ACP3: variants seen among roughly 807,000 people sequenced by gnomAD.
ACP3 encodes prostatic acid phosphatase.
ACP3 carries 38 observed loss-of-function variants against 45.6 expected under a neutral mutation model. The ratio of observed to expected loss-of-function variants is 0.83; its 90% CI spans 0.64 to 1.09. ACP3 has a LOEUF of 1.09. Among genes scored for constraint, ACP3 ranks in the 50% least tolerant of loss-of-function variants. ACP3 has a pLI of 0.00. For missense variants in ACP3, 466 were observed against 463.2 expected (o/e 1.01, Z -0.05); for synonymous variants, 162 against 164.7 (o/e 0.98, Z 0.13).
chr3:132,347,555 CT>C (rs1254673611), intron 7 of ACP3, among the ~76,000 whole-genome samples: 2 of 152,138 alleles, frequency 1.3e-5, no homozygotes, highest in Admixed American at 1.3e-4. Context: ...TCACGGCTCA[CT>C]GTAGCCTTGA....
rs181237735 is a variant in ACP3, at chr3:132,328,417, G to A, written c.216+55G>A. The A allele has an allele frequency of 1.9e-4, 287 of 1,477,772 alleles. 1 individual carries two copies. The highest frequency in any genetic ancestry group is 2.5e-4 in the Non-Finnish European group (265 of 1,061,614). 91.5% of individuals were successfully genotyped at this position (1,477,772 alleles called of 1,614,324 possible). On this transcript the variant is annotated intron_variant, in intron 2 of 9. Coordinates refer to ENST00000336375, the MANE Select transcript of ACP3 (RefSeq NM_001099.5). ...GATGAAGCTGGGTGTGGTGGCTCAC[G>A]CCTGTAATCCCAGCACTTTGGGAGG...
chr3:132,352,837 T>C lies in ACP3; in HGVS notation c.968+14T>C. The C allele has an allele frequency of 3.2e-6, 5 of 1,560,288 alleles. No homozygotes were observed. Among genetic ancestry groups the C allele is most frequent in the Non-Finnish European group, 3.5e-6 (4 of 1,131,114 alleles). On this transcript the variant is annotated intron_variant, in intron 9 of 9. Coordinates refer to ENST00000336375, the MANE Select transcript of ACP3 (RefSeq NM_001099.5). ...CTTTGAGAAGGGGTAAGTGACTAAG[T>C]GCTTTTCAAAATCAGTATCACTGGA...
chr3:132,332,876 C>T (rs1395053924), intron 4 of ACP3, among the ~76,000 whole-genome samples: 10 of 152,158 alleles, frequency 6.6e-5, no homozygotes, highest in African/African-American at 1.9e-4. Flanking sequence ...TTCTTGCTCT[C>T]CTTTTATAGT....
rs140893577 is a variant in ACP3 at position 132,357,015 on chromosome 3, C to T, written c.*137C>T. On this transcript the variant is annotated 3_prime_UTR_variant, in exon 10 of 10. Coordinates refer to ENST00000336375, the MANE Select transcript of ACP3 (RefSeq NM_001099.5). ...GATTATTTTATGTTTTAGGGACCCC[C>T]AACCTCAGGCAATTCCTACCTCTTC... 395 of 1,396,018 alleles carry T rather than the reference C, an allele frequency of 2.8e-4. 2 individuals are homozygous for T. In the African/African-American group the frequency reaches 5.2e-3, roughly 18 times the overall value. The allele number at this position is 1,396,018 out of a possible 1,614,324, so 86.5% of individuals were successfully genotyped here. A position where few individuals can be genotyped will look rare whatever the true frequency, so the allele number is the denominator to read the frequency against.
chr3:132,339,957 C>A (rs914913314), intron 5 of ACP3, among the ~76,000 whole-genome samples: 30 of 152,048 alleles, frequency 2.0e-4, no homozygotes, highest in Non-Finnish European at 1.5e-5. Context: ...CATTAGCATG[C>A]AAAAAGACAT....
Position 132,317,536 on chromosome 3 carries a change from A to G in ACP3, c.80A>G (p.Asp27Gly), listed in dbSNP as rs1396338098. 1 of 1,613,496 alleles carries G rather than the reference A, an allele frequency of 6.2e-7. No individual in the cohort carries two copies. Among genetic ancestry groups the G allele is most frequent in the Non-Finnish European group, 8.5e-7 (1 of 1,179,754 alleles). The stretch of plus-strand genomic sequence containing the variant: ...TTGTTTCTGCTTTTTTTCTGGCTAG[A>G]CCGAAGTGTACTAGCCAAGGAGTTG... ...GFLFLLFFWL[D>G]RSVLAKELKF... is the part of the protein sequence containing the mutation. Residue 27 changes from aspartate to glycine, a missense_variant, in exon 1 of 10, where the codon GAC becomes GGC. Transcript: ENST00000336375.
chr3:132,367,824 C>G, exon 11 of ACP3: 1 of 1,604,164 alleles, frequency 6.2e-7, no homozygotes, highest in East Asian at 2.2e-5. Context: ...AACATCTGAA[C>G]AGACAGCTGG....
chr3:132,355,182 T>G (rs1937852953), intron 9 of ACP3, among the ~76,000 whole-genome samples: 1 of 152,220 alleles, frequency 6.6e-6, no homozygotes, highest in Admixed American at 6.5e-5. Flanking sequence ...GCAACCCGCT[T>G]ATCAACCACG....
rs757936103 is a variant in ACP3, at chr3:132,356,769, G to A, written c.1052G>A (p.Cys351Tyr). Residue 351 changes from cysteine (C) to tyrosine (Y), a missense_variant, in exon 10 of 10, where the codon TGT becomes TAT. Transcript: ENST00000336375. The stretch of plus-strand genomic sequence containing the variant: ...ATGCTACCTGGCTGCAGCCCCAGCT[G>A]TCCTCTGGAGAGGTTTGCTGAGCTG... ...PLMLPGCSPS[C>Y]PLERFAELVG... 1.9e-6 allele frequency: 3 copies of A among 1,614,182 alleles called. No homozygotes were observed. Among genetic ancestry groups the A allele is most frequent in the South Asian group, 2.2e-5 (2 of 91,082 alleles).
At chr3:132,327,546 C>T (rs552351509) in intron 1 of ACP3, among the ~76,000 whole-genome samples, 5 of 140,816 alleles carry the variant, frequency 3.6e-5, no homozygotes, top group Admixed American at 1.5e-4. Flanking sequence ...TAGTTGGGCA[C>T]GGTGGCTCAC....
At chr3:132,365,938 C>T (rs1012787554) in intron 10 of ACP3, among the ~76,000 whole-genome samples, 4 of 151,668 alleles carry the variant, frequency 2.6e-5, no homozygotes, top group East Asian at 1.9e-4. Flanking sequence ...TGCAGTGAGC[C>T]GAGATGGTGC....
chr3:132,346,492 A>G lies in ACP3; in HGVS notation c.781+1433A>G, dbSNP rs534263506. Among the ~76,000 whole-genome samples the G allele has an allele frequency of 5.3e-5, 8 of 152,320 alleles. No homozygotes were observed. In the South Asian group the frequency reaches 1.7e-3, roughly 32 times the overall value. On this transcript the variant is annotated intron_variant, in intron 7 of 9. Coordinates refer to ENST00000336375, the MANE Select transcript of ACP3 (RefSeq NM_001099.5). ...TTACTTCACATTAAACACATGAGCA[A>G]CAAGATCCAGCCTTGAGGAAGGGAG...
At position 132,357,242 on chromosome 3, in the gene ACP3, G is replaced by T; in HGVS notation, c.*364G>T. ...CTGAGATTTTGCTTGAGCAGGATTA[G>T]ATAAGGCTGTTCTTTAAATGTCTGA... On this transcript the variant is annotated 3_prime_UTR_variant, in exon 10 of 10. Transcript: ENST00000336375. 1 of 995,614 alleles carries T rather than the reference G, an allele frequency of 1.0e-6. No homozygotes were observed. The highest frequency in any genetic ancestry group is 4.6e-5 in the South Asian group (1 of 21,962). The allele number at this position is 995,614 out of a possible 1,614,324, so 61.7% of individuals were successfully genotyped here. A position where few individuals can be genotyped will look rare whatever the true frequency, so the allele number is the denominator to read the frequency against.
At chr3:132,349,389 T>G (rs992681061) in intron 7 of ACP3, among the ~76,000 whole-genome samples, 1 of 152,208 alleles carries the variant, frequency 6.6e-6, no homozygotes, top group Non-Finnish European at 1.5e-5. Flanking sequence ...GTCCATGATC[T>G]GTACAAACAT....
In ACP3 at chr3:132,348,527, A is replaced by G. The variant is rs868431802; in HGVS notation, c.782-1393A>G. On this transcript the variant is annotated intron_variant, in intron 7 of 9. Coordinates refer to ENST00000336375, the MANE Select transcript of ACP3 (RefSeq NM_001099.5). ...ACCAGAACCAAGAACTGATATATTCATGACCAAAACTGCAGCCTGACTAAA... is the reference window on the plus strand; with the variant it reads ...ACCAGAACCAAGAACTGATATATTCGTGACCAAAACTGCAGCCTGACTAAA... Among the ~76,000 whole-genome samples the G allele has an allele frequency of 2.0e-5, 3 of 152,184 alleles. No homozygotes were observed. In the South Asian group the frequency reaches 6.2e-4, roughly 32 times the overall value.
Position 132,356,706 on chromosome 3 carries a change from A to G in ACP3, c.989A>G (p.Tyr330Cys), listed in dbSNP as rs1937907841. 1.2e-6 allele frequency: 2 copies of G among 1,614,084 alleles called. No individual in the cohort carries two copies. The highest frequency in any genetic ancestry group is 1.7e-6 in the Non-Finnish European group (2 of 1,180,030). Residue 330 changes from tyrosine (Y) to cysteine (C), a missense_variant, in exon 10 of 10, where the codon TAC becomes TGC. Coordinates refer to ENST00000336375, the MANE Select transcript of ACP3 (RefSeq NM_001099.5). ...GCCAGGGAGTACTTTGTGGAGATGT[A>G]CTATCGGAATGAGACGCAGCACGAG... ...FEKGEYFVEM[Y>C]YRNETQHEPY...
chr3:132,327,599 A>C (rs752841927), intron 1 of ACP3, among the ~76,000 whole-genome samples: 22 of 144,218 alleles, frequency 1.5e-4, no homozygotes, highest in Non-Finnish European at 2.6e-4. Context: ...CAAGTGGACC[A>C]CCTGAGGTCA....
chr3:132,329,238 A>G (rs1209819618), intron 2 of ACP3, among the ~76,000 whole-genome samples: 1 of 152,222 alleles, frequency 6.6e-6, no homozygotes, highest in Non-Finnish European at 1.5e-5. Flanking sequence ...TTAGAGTAGA[A>G]TGTCTCAAAA....
rs572394603 is a variant in ACP3 at position 132,333,410 on chromosome 3, A to T, written c.456+1066A>T. The T allele has an allele frequency of 2.2e-4, 34 of 152,816 alleles. 1 individual carries two copies. In the South Asian group the frequency reaches 6.8e-3, roughly 31 times the overall value. The allele number at this position is 152,816 out of a possible 1,614,324, so 9.5% of individuals were successfully genotyped here. ...CCCTTCCTAATTTCCCTGCAGTCCC[A>T]TCATAGGCATGACCATCGCATCTCT... is the stretch of plus-strand genomic sequence containing the variant. On this transcript the variant is annotated intron_variant, in intron 4 of 9. Coordinates refer to ENST00000336375, the MANE Select transcript of ACP3 (RefSeq NM_001099.5).
Sources: gnomAD v4.1 joint callset for allele counts (sites outside exome capture counted in the v4.1 genomes callset) on GRCh38, gnomAD v4.1.1 for gene constraint, MANE v1.5 for transcripts, NCBI Gene and HGNC (gene_info 2026-07-23, HGNC 2026-07-21) for gene names.